Variants in NHS observed in about 807,000 individuals in gnomAD.
NHS encodes the protein NHS actin remodeling regulator.
In NHS, 5 loss-of-function variants were observed where a neutral mutation model predicts 72.5. The ratio of observed to expected loss-of-function variants is 0.07; its 90% confidence interval spans 0.04 to 0.14. The LOEUF is 0.14. Ranked by LOEUF, NHS falls within the 10% of genes least tolerant of loss-of-function variation. NHS has a pLI of 1.00. For synonymous variants in NHS, 464 were observed against 547.7 expected (o/e 0.85, Z 2.13); for missense variants, 1,072 against 1,355.7 (o/e 0.79, Z 3.29).
At chrX:17,706,800 T>C (rs1223898853) in intron 3 of NHS, among the ~76,000 whole-genome samples, 1 of 111,978 alleles carries the variant, frequency 8.9e-6, no homozygotes, top group East Asian at 2.8e-4. Flanking sequence ...CAGTTCACCC[T>C]CACCCGCTGC....
intron 3 of NHS, among the ~76,000 whole-genome samples, chrX:17,712,210 T>C (rs1334427276): frequency 2.1e-5 from 2 of 93,554 alleles, no homozygotes; most frequent in African/African-American, 7.7e-5. Context: ...CGAGTAATGA[T>C]GTCAAGCACC....
chrX:17,728,154 C>A lies in NHS; in HGVS notation c.4048C>A (p.His1350Asn), dbSNP rs2066462942. 10 of 1,211,795 alleles carry A rather than the reference C, an allele frequency of 8.3e-6. No individual in the cohort carries two copies. Among genetic ancestry groups the A allele is most frequent in the Non-Finnish European group, 1.1e-5 (10 of 895,486 alleles). Residue 1350 changes from histidine (H) to asparagine (N), a missense_variant, in exon 7 of 9, where the codon CAT (histidine) becomes AAT (asparagine). Transcript: ENST00000676302. ...FKHQFVMSRH[H>N]DKVPGTISYE... The stretch of plus-strand genomic sequence containing the variant: ...GCATCAATTTGTTATGAGCCGCCAC[C>A]ATGACAAAGTGCCTGGTACTATCAG...
Position 17,463,810 on chromosome X carries a change from G to A in NHS, c.565+87488G>A, listed in dbSNP as rs764055083. Among the ~76,000 whole-genome samples the A allele has an allele frequency of 5.3e-5, 6 of 112,377 alleles. No individual in the cohort carries two copies. The South Asian group carries it at 2.2e-3, about 42-fold the overall frequency. ...CATTTTTATGCTTAGGCTTAACAAAGTATGGAGAGCTTTGGAGAAACAGGG... is the reference window on the plus strand; with the variant it reads ...CATTTTTATGCTTAGGCTTAACAAAATATGGAGAGCTTTGGAGAAACAGGG... On this transcript the variant is annotated intron_variant, in intron 1 of 8. Coordinates refer to ENST00000676302, the MANE Select transcript of NHS (RefSeq NM_001291867.2).
At chrX:17,559,800 C>A (rs933238) in intron 1 of NHS, among the ~76,000 whole-genome samples, 31,110 of 110,383 alleles carry the variant, frequency 0.28, 3,538 homozygotes, top group East Asian at 0.71. Flanking sequence ...CCCTTGCCCC[C>A]GGGAGAATAC....
At chrX:17,676,600 C>G (rs778367865) in intron 1 of NHS, among the ~76,000 whole-genome samples, 1 of 112,580 alleles carries the variant, frequency 8.9e-6, no homozygotes, top group Non-Finnish European at 1.9e-5. Context: ...TCAGTATTAT[C>G]TTTCTATACT....
intron 1 of NHS, among the ~76,000 whole-genome samples, chrX:17,512,074 C>G (rs1425745787): frequency 1.8e-5 from 2 of 111,933 alleles, no homozygotes; most frequent in Non-Finnish European, 3.8e-5. Context: ...TTATAGGCTG[C>G]CTTTCCTTCC....
intron 1 of NHS, among the ~76,000 whole-genome samples, chrX:17,683,830 T>C (rs192400428): frequency 2.1e-3 from 239 of 111,870 alleles, no homozygotes; most frequent in Middle Eastern, 0.014. Context: ...AGGGGAGGAA[T>C]TGACAAGACA....
At chrX:17,408,576 C>T (rs113029264) in intron 1 of NHS, among the ~76,000 whole-genome samples, 3,785 of 111,332 alleles carry the variant, frequency 0.034, 164 homozygotes, top group African/African-American at 0.12. Context: ...AAACAACATC[C>T]GTCTGTCAAG....
At chrX:17,413,775 AC>A (rs2146860707) in intron 1 of NHS, among the ~76,000 whole-genome samples, 1 of 111,399 alleles carries the variant, frequency 9.0e-6, no homozygotes, top group Non-Finnish European at 1.9e-5. Flanking sequence ...CAAAAGTTGC[AC>A]CCCCAAAAAA....
At chrX:17,408,954 G>GGAGAGAGA (rs369974924) in intron 1 of NHS, among the ~76,000 whole-genome samples, 261 of 103,413 alleles carry the variant, frequency 2.5e-3, no homozygotes, top group African/African-American at 8.9e-3. Flanking sequence ...GACGGAGAGA[G>GGAGAGAGA]GAGAGAGAGA....
chrX:17,568,124 G>A (rs182312799), intron 1 of NHS, among the ~76,000 whole-genome samples: 134 of 111,777 alleles, frequency 1.2e-3, no homozygotes, highest in African/African-American at 4.1e-3. Flanking sequence ...AAACGTCAAA[G>A]AGAACAGTTC....
intron 1 of NHS, among the ~76,000 whole-genome samples, chrX:17,537,589 C>T (rs1458034243): frequency 1.8e-5 from 2 of 112,120 alleles, no homozygotes; most frequent in African/African-American, 3.2e-5. Flanking sequence ...GTATCAGGTC[C>T]CCCCAAAATG....
chrX:17,617,703 G>A (rs777425491), intron 1 of NHS, among the ~76,000 whole-genome samples: 2 of 112,286 alleles, frequency 1.8e-5, no homozygotes, highest in South Asian at 7.4e-4. Context: ...CTGCTAGGGC[G>A]AGGCATGGGG....
chrX:17,378,643 A>G (rs776885567), intron 1 of NHS, among the ~76,000 whole-genome samples: 35 of 112,221 alleles, frequency 3.1e-4, no homozygotes, highest in Non-Finnish European at 6.0e-4. Flanking sequence ...GAGACAGGAA[A>G]GGGAGGAAAG....
rs779238654 is a variant in NHS, at chrX:17,732,502, C to A, written c.*38C>A. On this transcript the variant is annotated 3_prime_UTR_variant, in exon 9 of 9. Coordinates refer to ENST00000676302, the MANE Select transcript of NHS (RefSeq NM_001291867.2). ...AGGCTGCCTGGCAAAGGCCAAAACC[C>A]TTACTCACATGAGGATGGAGGAACA... 9.9e-6 allele frequency: 12 copies of A among 1,211,061 alleles called. No homozygotes were observed. In the African/African-American group the frequency reaches 1.9e-4, roughly 19 times the overall value.
Position 17,375,880 on chromosome X carries a change from G to C in NHS, c.123G>C (p.Pro41=), listed in dbSNP as rs1283060397. Reference sequence around the variant, plus strand: ...AGCCGCCGCCGCCCTTGCAGCCGCCGGGCCGGAGGGACCTGGACGAGGTCG... The same window carrying C: ...AGCCGCCGCCGCCCTTGCAGCCGCCCGGCCGGAGGGACCTGGACGAGGTCG... ...SAEPPPPLQP[P]GRRDLDEVEA... Residue 41 remains proline, a synonymous_variant, in exon 1 of 9, where the codon CCG becomes CCC. Coordinates refer to ENST00000676302, the MANE Select transcript of NHS (RefSeq NM_001291867.2). 9.0e-7 allele frequency: 1 copy of C among 1,108,640 alleles called. No homozygotes were observed. Among genetic ancestry groups the C allele is most frequent in the Non-Finnish European group, 1.2e-6 (1 of 853,427 alleles). The allele number at this position is 1,108,640 out of a possible 1,213,427, so 91.4% of individuals were successfully genotyped here.
At chrX:17,389,944 A>T (rs186202996) in intron 1 of NHS, among the ~76,000 whole-genome samples, 485 of 109,766 alleles carry the variant, frequency 4.4e-3, no homozygotes, top group African/African-American at 0.016. Context: ...AACATTTTTA[A>T]AAAAAATGAA....
chrX:17,661,382 C>T (rs1193897177), intron 1 of NHS, among the ~76,000 whole-genome samples: 1 of 110,888 alleles, frequency 9.0e-6, no homozygotes, highest in African/African-American at 3.3e-5. Flanking sequence ...TGGTAAGCCC[C>T]GCATACATTA....
intron 5 of NHS, among the ~76,000 whole-genome samples, chrX:17,723,710 T>C (rs762314944): frequency 9.9e-6 from 1 of 100,578 alleles, no homozygotes; most frequent in Non-Finnish European, 2.0e-5. Context: ...CTGTTGAGTT[T>C]CCTCACAGCA....
Sources: allele counts gnomAD v4.1 joint callset (sites outside exome capture counted in the v4.1 genomes callset), GRCh38; gene constraint gnomAD v4.1.1; transcripts MANE v1.5; gene names NCBI Gene and HGNC (gene_info 2026-07-23, HGNC 2026-07-21).